LMAN1: variants seen among roughly 807,000 people sequenced by gnomAD.
LMAN1 encodes the protein protein ERGIC-53.
LMAN1 carries 32 observed loss-of-function variants against 67.8 expected under a neutral mutation model. The ratio of observed to expected loss-of-function variants is 0.47; its 90% CI spans 0.36 to 0.63. The LOEUF is 0.63. Among genes scored for constraint, LMAN1 ranks in the 30% least tolerant of loss-of-function variants. The probability of loss-of-function intolerance (pLI) is 0.00; values close to 1 mark genes in which losing one functional copy is unlikely to be tolerated. For missense variants in LMAN1, 632 were observed against 628.2 expected (o/e 1.01, Z -0.06); for synonymous variants, 235 against 219.3 (o/e 1.07, Z -0.63).
At chr18:59,337,547 T>C (rs1908187257) in intron 10 of LMAN1, among the ~76,000 whole-genome samples, 1 of 152,232 alleles carries the variant, frequency 6.6e-6, no homozygotes. Flanking sequence ...CTTCCCATAC[T>C]ATTTCTGTAG....
chr18:59,355,454 A>G (rs1171599967), intron 2 of LMAN1, 34 bp from the exon 3 acceptor site: 7 of 1,613,704 alleles, frequency 4.3e-6, no homozygotes, highest in Non-Finnish European at 5.9e-6. Context: ...GTTAGAGGCT[A>G]GTGGTATATG....
At chr18:59,341,649 T>C (rs997635066) in intron 8 of LMAN1, among the ~76,000 whole-genome samples, 6 of 151,896 alleles carry the variant, frequency 4.0e-5, no homozygotes, top group African/African-American at 1.2e-4. Context: ...TTTCTTGAAA[T>C]GAATGAAAAT....
Position 59,347,494 on chromosome 18 carries a change from A to G in LMAN1, c.822+19T>C. ...GCAAACTAAACTGATAAAGTTTTTG[A>G]AAATATGTGTAAAATTACCGGCTCT... On this transcript the variant is annotated intron_variant, in intron 7 of 12. Coordinates refer to ENST00000251047, the MANE Select transcript of LMAN1 (RefSeq NM_005570.4). The G allele has an allele frequency of 1.3e-6, 2 of 1,594,532 alleles. No individual in the cohort carries two copies. The highest frequency in any genetic ancestry group is 1.7e-6 in the Non-Finnish European group (2 of 1,165,118).
intron 8 of LMAN1, among the ~76,000 whole-genome samples, chr18:59,340,554 TGAA>T (rs1908264669): frequency 6.7e-6 from 1 of 150,366 alleles, no homozygotes; most frequent in Admixed American, 6.6e-5. Flanking sequence ...GCTTCACAAA[TGAA>T]GAAGAAATAA....
chr18:59,328,926 A>C lies in LMAN1; in HGVS notation c.*2167T>G, dbSNP rs41383645. Reference sequence around the variant, plus strand: ...TGGCATCATAGACACAATGACTTACATAAAAATTTTAAAATCAATTTTGTT... The same window carrying C: ...TGGCATCATAGACACAATGACTTACCTAAAAATTTTAAAATCAATTTTGTT... On this transcript the variant is annotated 3_prime_UTR_variant, in exon 13 of 13. Coordinates refer to ENST00000251047, the MANE Select transcript of LMAN1 (RefSeq NM_005570.4). 1 of 152,232 alleles carries C rather than the reference A, an allele frequency of 6.6e-6. No individual in the cohort carries two copies. Among genetic ancestry groups the C allele is most frequent in the Non-Finnish European group, 1.5e-5 (1 of 68,046 alleles). The allele number at this position is 152,232 out of a possible 1,614,324, so 9.4% of individuals were successfully genotyped here.
rs1007223083 is a variant in LMAN1, at chr18:59,328,779, C to G, written c.*2314G>C. Reference sequence around the variant, plus strand: ...TTAATACATAACAAAACATTGTTTACTGTTTATGACTTCATGGTAAAGTTT... The same window carrying G: ...TTAATACATAACAAAACATTGTTTAGTGTTTATGACTTCATGGTAAAGTTT... On this transcript the variant is annotated 3_prime_UTR_variant, in exon 13 of 13. Coordinates refer to ENST00000251047, the MANE Select transcript of LMAN1 (RefSeq NM_005570.4). 1 of 152,136 alleles carries G rather than the reference C, an allele frequency of 6.6e-6. No individual in the cohort carries two copies. The allele number at this position is 152,136 out of a possible 1,614,324, so 9.4% of individuals were successfully genotyped here. A position where few individuals can be genotyped will look rare whatever the true frequency, so the allele number is the denominator to read the frequency against.
Position 59,340,063 on chromosome 18 carries a change from G to A in LMAN1, c.956-1110C>T, listed in dbSNP as rs141548991. On this transcript the variant is annotated intron_variant, in intron 8 of 12. Coordinates refer to ENST00000251047, the MANE Select transcript of LMAN1 (RefSeq NM_005570.4). The stretch of plus-strand genomic sequence containing the variant: ...ATGTGAGCAGACTGCACTCCTTACA[G>A]CTTCTTGCTCATGACACCTGACTAG... Among the ~76,000 whole-genome samples, 124 of 152,264 alleles carry A rather than the reference G, an allele frequency of 8.1e-4. 1 individual carries two copies. The highest frequency in any genetic ancestry group is 2.9e-3 in the African/African-American group (119 of 41,578).
At chr18:59,347,819 G>A (rs1468888243) in intron 6 of LMAN1, among the ~76,000 whole-genome samples, 6 of 152,162 alleles carry the variant, frequency 3.9e-5, no homozygotes, top group Non-Finnish European at 8.8e-5. Flanking sequence ...ATATTTAGCA[G>A]TGTTTAACAT....
chr18:59,359,015 C>T lies in LMAN1; in HGVS notation c.214+16G>A. 3 of 1,612,614 alleles carry T rather than the reference C, an allele frequency of 1.9e-6. No homozygotes were observed. The highest frequency in any genetic ancestry group is 1.7e-5 in the Admixed American group (1 of 60,026). On this transcript the variant is annotated intron_variant, in intron 1 of 12. Coordinates refer to ENST00000251047, the MANE Select transcript of LMAN1 (RefSeq NM_005570.4). Reference sequence around the variant, plus strand: ...GGGGAGAGGAACCCGGCCCCCAGCCCTCTGCTCCGGCTTACTCCCCGCGTG... The same window carrying T: ...GGGGAGAGGAACCCGGCCCCCAGCCTTCTGCTCCGGCTTACTCCCCGCGTG...
intron 1 of LMAN1, 136 bp downstream of exon 1, chr18:59,358,895 G>T (rs1292107282): frequency 1.5e-5 from 13 of 871,734 alleles, no homozygotes; most frequent in Admixed American, 6.0e-5. Flanking sequence ...CTGCCAGGAG[G>T]GTCCCCTCCA....
chr18:59,338,694 CCTT>C (rs1908218222), intron 9 of LMAN1, 63 bp downstream of exon 9: 3 of 1,604,490 alleles, frequency 1.9e-6, no homozygotes, highest in African/African-American at 1.3e-5. Context: ...GTACAGTTGC[CCTT>C]CTTCTTTACT....
intron 11 of LMAN1, among the ~76,000 whole-genome samples, chr18:59,331,838 A>T (rs924471104): frequency 1.3e-5 from 2 of 152,118 alleles, no homozygotes; most frequent in African/African-American, 4.8e-5. Flanking sequence ...TAGCGTCACC[A>T]CAGACAACTC....
In LMAN1 at chr18:59,329,461, G is replaced by A. The variant is rs1042536085; in HGVS notation, c.*1632C>T. ...TTTAATTTTTTTTCATGGAGCAAGA[G>A]TAAATTCTGTGATGATGAAGCCTCT... On this transcript the variant is annotated 3_prime_UTR_variant, in exon 13 of 13. Coordinates refer to ENST00000251047, the MANE Select transcript of LMAN1 (RefSeq NM_005570.4). 8 of 152,178 alleles carry A rather than the reference G, an allele frequency of 5.3e-5. No individual in the cohort carries two copies. Among genetic ancestry groups the A allele is most frequent in the African/African-American group, 1.9e-4 (8 of 41,538 alleles). The allele number at this position is 152,178 out of a possible 1,614,324, so 9.4% of individuals were successfully genotyped here.
At position 59,359,217 on chromosome 18, in the gene LMAN1, G is replaced by C. The variant is rs138399176; in HGVS notation, c.28C>G (p.Arg10Gly). MAGSRQRGL[R>G]ARVRPLFCAL... is the part of the protein sequence containing the mutation. ...CAGAACAGCGGCCGAACTCTGGCCC[G>C]GAGACCCCTTTGCCTGGATCCCGCC... The change falls in exon 1 of 13, where the codon CGG becomes GGG. Residue 10 changes from arginine to glycine, a missense_variant. Coordinates refer to ENST00000251047, the MANE Select transcript of LMAN1 (RefSeq NM_005570.4). The C allele has an allele frequency of 1.9e-6, 3 of 1,613,938 alleles. No homozygotes were observed. Among genetic ancestry groups the C allele is most frequent in the Non-Finnish European group, 2.5e-6 (3 of 1,179,886 alleles).
intron 1 of LMAN1, among the ~76,000 whole-genome samples, chr18:59,358,007 A>AATT (rs1329782865): frequency 1.3e-5 from 2 of 151,954 alleles, no homozygotes; most frequent in Non-Finnish European, 2.9e-5. Context: ...ACAAAGATAG[A>AATT]ATTCAAACTG....
chr18:59,345,892 A>C (rs1013681730), intron 8 of LMAN1, 27 bp downstream of exon 8: 1 of 1,613,426 alleles, frequency 6.2e-7, no homozygotes, highest in African/African-American at 1.3e-5. Context: ...CTGCTGCGGC[A>C]CCCATGTCAG....
intron 10 of LMAN1, among the ~76,000 whole-genome samples, chr18:59,334,191 A>G (rs1198830242): frequency 6.6e-6 from 1 of 152,226 alleles, no homozygotes; most frequent in African/African-American, 2.4e-5. Flanking sequence ...GCTTCCCAGA[A>G]GCATGAACTT....
intron 10 of LMAN1, among the ~76,000 whole-genome samples, chr18:59,334,170 TA>T (rs1168630248): frequency 6.6e-6 from 1 of 152,228 alleles, no homozygotes; most frequent in East Asian, 1.9e-4. Context: ...TATTTGTATT[TA>T]AGAAATTCTG....
intron 11 of LMAN1, 119 bp from the exon 12 acceptor site, chr18:59,331,658 C>A: frequency 8.7e-7 from 1 of 1,153,150 alleles, no homozygotes; most frequent in Non-Finnish European, 1.3e-6. Flanking sequence ...TTTTTTCATC[C>A]CCCAGAAAAC....
Sources: allele counts gnomAD v4.1 joint callset (sites outside exome capture counted in the v4.1 genomes callset), GRCh38; gene constraint gnomAD v4.1.1; transcripts MANE v1.5; gene names NCBI Gene and HGNC (gene_info 2026-07-23, HGNC 2026-07-21).